The following EFCAB3 variants were observed in gnomAD, a reference collection of about 807,000 sequenced individuals.
EFCAB3 encodes EF-hand calcium-binding domain-containing protein 3.
In EFCAB3, 36 loss-of-function variants were observed where a neutral mutation model predicts 42.2. The ratio of observed to expected loss-of-function variants is 0.85; its 90% CI spans 0.65 to 1.13. The LOEUF is 1.13. Among genes scored for constraint, EFCAB3 ranks in the 50% most tolerant of loss-of-function variants. The probability of loss-of-function intolerance (pLI) is 0.00; values close to 1 mark genes in which losing one functional copy is unlikely to be tolerated. For missense variants in EFCAB3, 418 were observed against 505.1 expected (o/e 0.83, Z 1.65); for synonymous variants, 170 against 172.8 (o/e 0.98, Z 0.13).
intron 1 of EFCAB3, among the ~76,000 whole-genome samples, chr17:62,373,155 C>T (rs2070126101): frequency 6.6e-6 from 1 of 151,966 alleles, no homozygotes; most frequent in African/African-American, 2.4e-5. Context: ...TGGCACATGC[C>T]TGTGATCCCA....
intron 2 of EFCAB3, among the ~76,000 whole-genome samples, chr17:62,384,131 T>C (rs1247106194): frequency 6.6e-6 from 1 of 152,192 alleles, no homozygotes; most frequent in East Asian, 1.9e-4. Context: ...AGTGAGTTCC[T>C]TGTCACTGAA....
chr17:62,392,733 G>A (rs1207925264), intron 4 of EFCAB3, among the ~76,000 whole-genome samples: 1 of 152,040 alleles, frequency 6.6e-6, no homozygotes, highest in African/African-American at 2.4e-5. Flanking sequence ...CGCCTCCTGG[G>A]TTCACACCAT....
At position 62,389,980 on chromosome 17, in the gene EFCAB3, G is replaced by A. The variant is rs1028407095; in HGVS notation, c.152-1842G>A. 5.3e-5 allele frequency among the ~76,000 whole-genome samples: 8 copies of A among 152,114 alleles called. No homozygotes were observed. The East Asian group carries it at 1.2e-3, about 22-fold the overall frequency. ...TTTTTGTATTTTTAGTAGAGACAGG[G>A]TTTCACCATGTTAGCCAGGATGGTC... is the stretch of plus-strand genomic sequence containing the variant. On this transcript the variant is annotated intron_variant, in intron 3 of 9. Coordinates refer to ENST00000305286, the MANE Select transcript of EFCAB3 (RefSeq NM_173503.4).
exon 1 of EFCAB3, chr17:62,370,223 G>A (rs780629155): frequency 2.7e-6 from 4 of 1,483,882 alleles, no homozygotes; most frequent in Admixed American, 2.0e-5. Context: ...TCTAAGGAGA[G>A]GTGATTGATG....
At chr17:62,370,395 C>T in intron 1 of EFCAB3, 1 of 1,461,138 alleles carries the variant, frequency 6.8e-7, no homozygotes, top group Non-Finnish European at 9.4e-7. Context: ...TGATTCACGC[C>T]TGTAATCCCA....
chr17:62,383,438 C>T (rs912577233), intron 2 of EFCAB3, among the ~76,000 whole-genome samples: 1 of 152,064 alleles, frequency 6.6e-6, no homozygotes, highest in African/African-American at 2.4e-5. Context: ...TGTGCCACTG[C>T]ACTCCAGCCT....
At chr17:62,403,806 G>A (rs556170476) in intron 6 of EFCAB3, among the ~76,000 whole-genome samples, 2 of 152,160 alleles carry the variant, frequency 1.3e-5, no homozygotes, top group Admixed American at 6.5e-5. Flanking sequence ...GCACTACCAT[G>A]CCTGGCTAAT....
chr17:62,391,149 T>A (rs1363829901), intron 3 of EFCAB3, among the ~76,000 whole-genome samples: 1 of 152,136 alleles, frequency 6.6e-6, no homozygotes, highest in East Asian at 1.9e-4. Flanking sequence ...TTCTCTTCTC[T>A]GTGTCTTATA....
rs1207365690 is a variant in EFCAB3 at position 62,395,178 on chromosome 17, G to A, written c.478G>A (p.Glu160Lys). Reference protein sequence around the residue: ...TSALPRKSIIEIVSYFQRKFQ... With the variant: ...TSALPRKSIIKIVSYFQRKFQ... ...AGCCCTACCCAGAAAGTCTATAATA[G>A]AAATAGTAAGGTAAGTGAGAAGGAA... The change falls in exon 6 of 10, where the codon GAA becomes AAA. Residue 160 changes from glutamate (E) to lysine (K), a missense_variant. Coordinates refer to ENST00000305286, the MANE Select transcript of EFCAB3 (RefSeq NM_173503.4). The A allele has an allele frequency of 6.2e-7, 1 of 1,612,914 alleles. No homozygotes were observed. Among genetic ancestry groups the A allele is most frequent in the African/African-American group, 1.3e-5 (1 of 74,966 alleles).
intron 8 of EFCAB3, among the ~76,000 whole-genome samples, chr17:62,413,323 A>C (rs2070515814): frequency 6.6e-6 from 1 of 152,224 alleles, no homozygotes; most frequent in Non-Finnish European, 1.5e-5. Context: ...TTCCTCATAA[A>C]AGATCCAAGT....
intron 2 of EFCAB3, among the ~76,000 whole-genome samples, chr17:62,387,131 T>G (rs2070259023): frequency 6.6e-6 from 1 of 152,016 alleles, no homozygotes. Context: ...ATGGGCAAGT[T>G]TAGGGCAGAG....
At chr17:62,405,290 C>G (rs985037829) in intron 6 of EFCAB3, among the ~76,000 whole-genome samples, 1 of 152,200 alleles carries the variant, frequency 6.6e-6, no homozygotes, top group Non-Finnish European at 1.5e-5. Context: ...AGACTCTAAT[C>G]AGAGCACCAT....
At chr17:62,415,098 C>A (rs548816753) in intron 9 of EFCAB3, among the ~76,000 whole-genome samples, 5 of 149,544 alleles carry the variant, frequency 3.3e-5, no homozygotes, top group African/African-American at 1.0e-4. Flanking sequence ...GGCAAGACTC[C>A]GTCTCAAAAA....
upstream of EFCAB3, among the ~76,000 whole-genome samples, chr17:62,378,338 T>C (rs906646273): frequency 2.0e-5 from 3 of 152,138 alleles, no homozygotes; most frequent in African/African-American, 7.2e-5. Flanking sequence ...AAAGCAGGTG[T>C]TCCTGACTCT....
At chr17:62,390,008 G>A (rs1018839365) in intron 3 of EFCAB3, among the ~76,000 whole-genome samples, 3 of 151,766 alleles carry the variant, frequency 2.0e-5, no homozygotes, top group Non-Finnish European at 2.9e-5. Flanking sequence ...GGATGGTCTC[G>A]ATCTCCTGAC....
At chr17:62,385,890 T>C (rs2070245649) in intron 2 of EFCAB3, among the ~76,000 whole-genome samples, 1 of 150,870 alleles carries the variant, frequency 6.6e-6, no homozygotes, top group Non-Finnish European at 1.5e-5. Context: ...CGGCTAATTT[T>C]TTTTTTTTTT....
upstream of EFCAB3, among the ~76,000 whole-genome samples, chr17:62,376,910 T>G (rs939852794): frequency 6.6e-6 from 1 of 152,138 alleles, no homozygotes; most frequent in Non-Finnish European, 1.5e-5. Flanking sequence ...AGTCGCCATA[T>G]AAAAATAAAG....
intron 1 of EFCAB3, among the ~76,000 whole-genome samples, chr17:62,370,677 G>A (rs1376268577): frequency 6.6e-6 from 1 of 151,628 alleles, no homozygotes; most frequent in African/African-American, 2.4e-5. Flanking sequence ...AAGAAGAAGT[G>A]TACTTTTGTC....
intron 1 of EFCAB3, among the ~76,000 whole-genome samples, chr17:62,370,793 A>G (rs2070109290): frequency 6.6e-6 from 1 of 152,160 alleles, no homozygotes; most frequent in African/African-American, 2.4e-5. Flanking sequence ...TCTTGTTAAA[A>G]TGCAGATTTG....
Sources: gnomAD v4.1 joint callset for allele counts (sites outside exome capture counted in the v4.1 genomes callset) on GRCh38, gnomAD v4.1.1 for gene constraint, MANE v1.5 for transcripts, NCBI Gene and HGNC (gene_info 2026-07-23, HGNC 2026-07-21) for gene names.